The following NECAB1 variants were observed in gnomAD, a reference collection of about 807,000 sequenced individuals.
NECAB1 encodes the protein N-terminal EF-hand calcium binding protein 1, also known as N-terminal EF-hand calcium-binding protein 1.
Under a neutral mutation model 57.5 loss-of-function variants are expected in NECAB1, and 29 were observed. The ratio of observed to expected loss-of-function variants is 0.50; its 90% CI spans 0.38 to 0.69. The LOEUF (loss-of-function observed/expected upper bound fraction) is 0.69. NECAB1 is among the 30% of genes least tolerant of loss of function. The pLI is 0.00. For missense variants in NECAB1, 372 were observed against 413.8 expected (o/e 0.90, Z 0.88); for synonymous variants, 142 against 147.7 (o/e 0.96, Z 0.28).
intron 9 of NECAB1, among the ~76,000 whole-genome samples, chr8:90,938,725 C>T (rs1795035558): frequency 2.0e-5 from 3 of 152,104 alleles, no homozygotes; most frequent in African/African-American, 7.2e-5. Context: ...GAAATTGCAA[C>T]CCAATCTAGG....
At chr8:90,814,312 C>T (rs982064791) in intron 2 of NECAB1, among the ~76,000 whole-genome samples, 1 of 152,128 alleles carries the variant, frequency 6.6e-6, no homozygotes, top group Non-Finnish European at 1.5e-5. Context: ...ATTTAGGATG[C>T]TGATGTTGAT....
At chr8:90,945,647 A>C (rs970738197) in intron 10 of NECAB1, among the ~76,000 whole-genome samples, 1 of 152,124 alleles carries the variant, frequency 6.6e-6, no homozygotes, top group Non-Finnish European at 1.5e-5. Flanking sequence ...ATGGGGAAGG[A>C]AGAAGCCAAG....
chr8:90,828,897 T>C (rs1317871222), intron 3 of NECAB1, among the ~76,000 whole-genome samples: 4 of 152,014 alleles, frequency 2.6e-5, no homozygotes, highest in Non-Finnish European at 5.9e-5. Context: ...TTAAGAGAAG[T>C]GCATACAATT....
intron 5 of NECAB1, among the ~76,000 whole-genome samples, chr8:90,912,176 G>T (rs1441140437): frequency 1.3e-5 from 2 of 152,088 alleles, no homozygotes; most frequent in Non-Finnish European, 2.9e-5. Context: ...ATACCCATGT[G>T]CATTTTTCTA....
chr8:90,917,735 A>G, intron 6 of NECAB1, 107 bp downstream of exon 6: 17 of 1,084,558 alleles, frequency 1.6e-5, no homozygotes, highest in Non-Finnish European at 2.1e-5. Context: ...AAGAGAATTG[A>G]TATATTTAAA....
intron 10 of NECAB1, among the ~76,000 whole-genome samples, chr8:90,943,417 TGAGCCTCAGGGAATCACTACACCC>T: frequency 1.3e-5 from 2 of 152,250 alleles, no homozygotes; most frequent in Admixed American, 1.3e-4. Flanking sequence ...TCAGATGGAA[TGAGCCTCAGGGAATCACTACACCC>T]ATATGGAATA....
intron 4 of NECAB1, among the ~76,000 whole-genome samples, chr8:90,876,892 T>C (rs1258558825): frequency 6.6e-6 from 1 of 152,210 alleles, no homozygotes; most frequent in African/African-American, 2.4e-5. Flanking sequence ...TTTGCTCAAG[T>C]TCATGAAACC....
intron 4 of NECAB1, 97 bp from the exon 5 acceptor site, chr8:90,880,936 G>T: frequency 1.2e-6 from 1 of 813,738 alleles, no homozygotes; most frequent in Non-Finnish European, 2.0e-6. Flanking sequence ...CTGACATTTT[G>T]TTTTACTCAT....
chr8:90,924,471 T>G (rs1431061954), intron 6 of NECAB1, among the ~76,000 whole-genome samples: 1 of 152,178 alleles, frequency 6.6e-6, no homozygotes, highest in Non-Finnish European at 1.5e-5. Context: ...ATGAGTACAT[T>G]AATCTTAGAT....
At chr8:90,898,839 C>T (rs28699234) in intron 5 of NECAB1, among the ~76,000 whole-genome samples, 3,063 of 152,312 alleles carry the variant, frequency 0.02, 43 homozygotes, top group Non-Finnish European at 0.031. Context: ...CTCTCTTCAC[C>T]TTCCTAATAG....
chr8:90,891,356 A>G (rs1466091786), intron 5 of NECAB1, among the ~76,000 whole-genome samples: 1 of 152,166 alleles, frequency 6.6e-6, no homozygotes, highest in Non-Finnish European at 1.5e-5. Flanking sequence ...CACCTCTAAA[A>G]TGAGGATAAT....
At chr8:90,826,823 G>A (rs922256068) in intron 3 of NECAB1, among the ~76,000 whole-genome samples, 2 of 151,718 alleles carry the variant, frequency 1.3e-5, no homozygotes, top group Admixed American at 6.6e-5. Flanking sequence ...ACTTGGCATA[G>A]CTTTAAGACT....
At chr8:90,816,507 G>T (rs1812063390) in intron 2 of NECAB1, among the ~76,000 whole-genome samples, 1 of 151,778 alleles carries the variant, frequency 6.6e-6, no homozygotes, top group Non-Finnish European at 1.5e-5. Context: ...TATCTCAAAG[G>T]TGTTAGGTCT....
intron 3 of NECAB1, among the ~76,000 whole-genome samples, chr8:90,851,719 A>G (rs1029146338): frequency 1.3e-5 from 2 of 152,154 alleles, no homozygotes; most frequent in Non-Finnish European, 2.9e-5. Flanking sequence ...CTGCCCCATT[A>G]TTAACATCCC....
intron 2 of NECAB1, among the ~76,000 whole-genome samples, chr8:90,822,099 A>T (rs1812153390): frequency 6.6e-6 from 1 of 151,890 alleles, no homozygotes; most frequent in African/African-American, 2.4e-5. Context: ...CTTTGGTGGT[A>T]AAAGTTCAAA....
rs541968381 is a variant in NECAB1, at chr8:90,844,207, C to T, written c.233+19382C>T. Among the ~76,000 whole-genome samples, 11 of 152,244 alleles carry T rather than the reference C, an allele frequency of 7.2e-5. No homozygotes were observed. In the East Asian group the frequency reaches 1.7e-3, roughly 24 times the overall value. On this transcript the variant is annotated intron_variant, in intron 3 of 12. Coordinates refer to ENST00000417640, the MANE Select transcript of NECAB1 (RefSeq NM_022351.5). ...CAAAGTCATGAGAGAGGAGAGGCAT[C>T]TCTTTCTCTCTGCTTAGTTCTCCAT...
chr8:90,851,957 T>G (rs1198266641), intron 3 of NECAB1, among the ~76,000 whole-genome samples: 2 of 152,184 alleles, frequency 1.3e-5, no homozygotes, highest in Non-Finnish European at 2.9e-5. Flanking sequence ...AACCCCATTT[T>G]GTTTTTAAGT....
At chr8:90,898,108 T>C (rs926429367) in intron 5 of NECAB1, among the ~76,000 whole-genome samples, 2 of 152,186 alleles carry the variant, frequency 1.3e-5, no homozygotes, top group Non-Finnish European at 2.9e-5. Context: ...ATAGAACATC[T>C]CTGTAATCAA....
chr8:90,814,453 G>A (rs1812024008), intron 2 of NECAB1, among the ~76,000 whole-genome samples: 1 of 152,148 alleles, frequency 6.6e-6, no homozygotes, highest in Admixed American at 6.5e-5. Context: ...GGGGAGTTAT[G>A]CTCTACCTCT....
Sources: allele counts gnomAD v4.1 joint callset (sites outside exome capture counted in the v4.1 genomes callset), GRCh38; gene constraint gnomAD v4.1.1; transcripts MANE v1.5; gene names NCBI Gene and HGNC (gene_info 2026-07-23, HGNC 2026-07-21).